FAM78A: variants seen among roughly 807,000 people sequenced by gnomAD.
FAM78A encodes the protein family with sequence similarity 78 member A.
A neutral mutation model predicts 22.6 loss-of-function variants in FAM78A; 12 were observed. That is an observed-to-expected ratio of 0.53 (90% confidence interval 0.34 to 0.86). FAM78A has a LOEUF of 0.86. Ranked by LOEUF, FAM78A falls within the 40% of genes least tolerant of loss-of-function variation. The pLI, the probability that FAM78A is intolerant of heterozygous loss-of-function variation, is 0.02. For missense variants in FAM78A, 322 were observed against 396.1 expected (o/e 0.81, Z 1.59); for synonymous variants, 151 against 155.8 (o/e 0.97, Z 0.23).
intron 1 of FAM78A, among the ~76,000 whole-genome samples, chr9:131,270,032 T>TTAA (rs1835396769): frequency 3.5e-4 from 12 of 34,122 alleles, no homozygotes; most frequent in African/African-American, 1.1e-3. Context: ...CCATCCCTAC[T>TTAA]AAAATAAAAA....
At chr9:131,280,586 G>A (rs1564241521), upstream of FAM78A, among the ~76,000 whole-genome samples, 1 of 152,196 alleles carries the variant, frequency 6.6e-6, no homozygotes, top group Non-Finnish European at 1.5e-5. Context: ...CCCCACCCGG[G>A]ATGGTGAACA....
Position 131,275,994 on chromosome 9 carries a change from G to A in FAM78A, c.186C>T (p.Leu62=), listed in dbSNP as rs140751265. The A allele has an allele frequency of 1.0e-4, 163 of 1,613,686 alleles. 1 individual carries two copies. In the African/African-American group the frequency reaches 1.9e-3, roughly 19 times the overall value. The change falls in exon 1 of 2, where the codon CTC becomes CTT. Residue 62 remains leucine (L), a synonymous_variant. Transcript: ENST00000372271. This position sits in a 1 kb window ranked among gnomAD's most constrained non-coding sequence, Gnocchi z 4.6. ...CCCGGAAGTGGGGTGTCCGGTAGCG[G>A]AGCACCACGCTGGAGGACTCATCGA... ...TSIDESSSVV[L]RYRTPHFRAS...
Position 131,261,080 on chromosome 9 carries a change from G to A in FAM78A, c.594C>T (p.Thr198=), listed in dbSNP as rs975352324. 6.2e-6 allele frequency: 10 copies of A among 1,614,198 alleles called. No homozygotes were observed. The Middle Eastern group carries it at 6.6e-4, about 107-fold the overall frequency. ...GCAGGATGATCATGTCGTTGGTGGAGGTGTTGGTGGCCACCAGCCAGGTGG... is the reference window on the plus strand; with the variant it reads ...GCAGGATGATCATGTCGTTGGTGGAAGTGTTGGTGGCCACCAGCCAGGTGG... ...SFTTWLVATN[T]STNDMIILQT... Residue 198 remains threonine (T), a synonymous_variant, in exon 2 of 2, where the codon ACC becomes ACT. Coordinates refer to ENST00000372271, the MANE Select transcript of FAM78A (RefSeq NM_033387.4). The surrounding 1 kb of genome is among the most constrained non-coding windows in gnomAD (Gnocchi z 7.1).
chr9:131,264,455 G>C, intron 1 of FAM78A: 1 of 640,892 alleles, frequency 1.6e-6, no homozygotes, highest in Non-Finnish European at 2.9e-6. Context: ...TCCACTGTCA[G>C]CCCCAGCTAC....
rs1453619193 is a variant in FAM78A, at chr9:131,274,036, AG to A, written c.323+1820del. ...GGAGGGCAGGGTTGTCTCAGGTCCC[AG>A]TCTCAGGCCTAGCTCCAGCCACATC... On this transcript the variant is annotated intron_variant, in intron 1 of 1. Coordinates refer to ENST00000372271, the MANE Select transcript of FAM78A (RefSeq NM_033387.4). This position sits in a 1 kb window ranked among gnomAD's most constrained non-coding sequence, Gnocchi z 4.2. 6.6e-6 allele frequency among the ~76,000 whole-genome samples: 1 copy of A among 152,244 alleles called. No homozygotes were observed. Among genetic ancestry groups the A allele is most frequent in the African/African-American group, 2.4e-5 (1 of 41,476 alleles).
At chr9:131,266,455 G>A (rs187514845) in intron 1 of FAM78A, among the ~76,000 whole-genome samples, 3 of 152,018 alleles carry the variant, frequency 2.0e-5, no homozygotes, top group East Asian at 3.9e-4. Flanking sequence ...GCCTTCTACC[G>A]GGAGCAGCGT....
upstream of FAM78A, among the ~76,000 whole-genome samples, chr9:131,278,474 C>T (rs2131202183): frequency 1.3e-5 from 2 of 152,180 alleles, no homozygotes; most frequent in East Asian, 3.9e-4. Context: ...AGAGGTGGGT[C>T]CCCTCGAGCA....
At chr9:131,270,137 C>T (rs1445722560) in intron 1 of FAM78A, 1 of 609,780 alleles carries the variant, frequency 1.6e-6, no homozygotes, top group Non-Finnish European at 3.0e-6. Context: ...ACCCGGGAGG[C>T]GGATGTTGCA....
At chr9:131,270,386 A>G in intron 1 of FAM78A, 1 of 717,520 alleles carries the variant, frequency 1.4e-6, no homozygotes, top group Non-Finnish European at 2.6e-6. Flanking sequence ...CCCAACTCCA[A>G]TCAGCAAAAC....
At chr9:131,280,213 C>A (rs1835528591), upstream of FAM78A, among the ~76,000 whole-genome samples, 1 of 152,174 alleles carries the variant, frequency 6.6e-6, no homozygotes. Flanking sequence ...CTCCTGCATG[C>A]ACTCCCTGCC....
intron 1 of FAM78A, among the ~76,000 whole-genome samples, chr9:131,273,458 A>G (rs1321722226): frequency 6.6e-6 from 1 of 152,240 alleles, no homozygotes; most frequent in Non-Finnish European, 1.5e-5. Flanking sequence ...CTGCAGCAAA[A>G]GAGGAGTCCC....
rs1167569648 is a variant in FAM78A at position 131,261,544 on chromosome 9, A to T, written c.324-194T>A. On this transcript the variant is annotated intron_variant, in intron 1 of 1. Coordinates refer to ENST00000372271, the MANE Select transcript of FAM78A (RefSeq NM_033387.4). This position sits in a 1 kb window ranked among gnomAD's most constrained non-coding sequence, Gnocchi z 7.1. Reference sequence around the variant, plus strand: ...CACTGTCATCACTGCTGCTGTTACAATCATAACCCTCAGACAGAAGAAGGT... The same window carrying T: ...CACTGTCATCACTGCTGCTGTTACATTCATAACCCTCAGACAGAAGAAGGT... Among the ~76,000 whole-genome samples, 1 of 151,992 alleles carries T rather than the reference A, an allele frequency of 6.6e-6. No individual in the cohort carries two copies. The highest frequency in any genetic ancestry group is 1.5e-5 in the Non-Finnish European group (1 of 67,992).
At chr9:131,267,132 G>C (rs1835355807) in intron 1 of FAM78A, among the ~76,000 whole-genome samples, 1 of 152,208 alleles carries the variant, frequency 6.6e-6, no homozygotes, top group Non-Finnish European at 1.5e-5. Context: ...CAACTGGGAA[G>C]TAACTGGGCC....
chr9:131,277,309 C>T (rs925923975), upstream of FAM78A, among the ~76,000 whole-genome samples: 1 of 151,934 alleles, frequency 6.6e-6, no homozygotes, highest in Non-Finnish European at 1.5e-5. This position sits in a 1 kb window ranked among gnomAD's most constrained non-coding sequence, Gnocchi z 8.4. Context: ...CACCCCGGTC[C>T]CTCCGGCTCC....
upstream of FAM78A, among the ~76,000 whole-genome samples, chr9:131,276,703 C>T (rs1835488619): frequency 6.6e-6 from 1 of 151,914 alleles, no homozygotes; most frequent in Non-Finnish European, 1.5e-5. The surrounding 1 kb of genome is among the most constrained non-coding windows in gnomAD (Gnocchi z 4.3). Flanking sequence ...GCCGAGGTCC[C>T]GGCGCCCTCG....
chr9:131,280,961 C>A (rs1564241628), upstream of FAM78A, among the ~76,000 whole-genome samples: 1 of 152,154 alleles, frequency 6.6e-6, no homozygotes, highest in Non-Finnish European at 1.5e-5. Flanking sequence ...GTGGATGGAA[C>A]CAGGGGGCCT....
chr9:131,274,453 C>T lies in FAM78A; in HGVS notation c.323+1404G>A, dbSNP rs1416455471. ...GCTTAGAACAGAAAGGCAGCACCCC[C>T]TCCCCCGAACTGGATTACTAGCTGC... is the stretch of plus-strand genomic sequence containing the variant. On this transcript the variant is annotated intron_variant, in intron 1 of 1. Coordinates refer to ENST00000372271, the MANE Select transcript of FAM78A (RefSeq NM_033387.4). This position sits in a 1 kb window ranked among gnomAD's most constrained non-coding sequence, Gnocchi z 4.2. Among the ~76,000 whole-genome samples, 1 of 152,196 alleles carries T rather than the reference C, an allele frequency of 6.6e-6. No homozygotes were observed.
intron 1 of FAM78A, among the ~76,000 whole-genome samples, chr9:131,271,346 C>T (rs1835419596): frequency 6.6e-6 from 1 of 152,180 alleles, no homozygotes; most frequent in Non-Finnish European, 1.5e-5. Flanking sequence ...CTCCGACAGG[C>T]ATCGCATAAT....
chr9:131,264,482 TCA>T lies in FAM78A; in HGVS notation c.324-3134_324-3133del. ...CCCAGCTACTCGCACTGTGGTCCAG[TCA>T]CAGACGCGCTGAGCTCTACCAGCTC... On this transcript the variant is annotated intron_variant, in intron 1 of 1. Transcript: ENST00000372271. The T allele has an allele frequency of 1.0e-5, 7 of 673,698 alleles. No individual in the cohort carries two copies. In the South Asian group the frequency reaches 1.1e-4, roughly 11 times the overall value. The allele number at this position is 673,698 out of a possible 1,614,324, so 41.7% of individuals were successfully genotyped here.
Sources: gnomAD v4.1 joint callset for allele counts (sites outside exome capture counted in the v4.1 genomes callset) on GRCh38, gnomAD v4.1.1 for gene constraint, Gnocchi (gnomAD v3.1) non-coding constraint, MANE v1.5 for transcripts, NCBI Gene and HGNC (gene_info 2026-07-23, HGNC 2026-07-21) for gene names.